DPP6: variants seen among roughly 807,000 people sequenced by gnomAD.
DPP6 encodes the protein A-type potassium channel modulatory protein DPP6.
A neutral mutation model predicts 122.6 loss-of-function variants in DPP6; 69 were observed. The observed-to-expected ratio is 0.56, with a 90% CI of 0.46 to 0.69. DPP6 has a LOEUF of 0.69. Ranked by LOEUF, DPP6 falls within the 30% of genes least tolerant of loss-of-function variation. The probability of loss-of-function intolerance (pLI) is 0.00; values close to 1 mark genes in which losing one functional copy is unlikely to be tolerated. For missense variants in DPP6, 928 were observed against 1,116.9 expected (o/e 0.83, Z 2.41); for synonymous variants, 418 against 433.1 (o/e 0.97, Z 0.43).
intron 1 of DPP6, among the ~76,000 whole-genome samples, chr7:154,079,200 C>T (rs940490028): frequency 1.4e-4 from 22 of 152,150 alleles, no homozygotes; most frequent in African/African-American, 3.4e-4. Context: ...ATCTCAAAAA[C>T]GAAAGTGCCT....
intron 1 of DPP6, among the ~76,000 whole-genome samples, chr7:153,973,632 CGTGTGTGTGTGTGTGTGTGT>C (rs773321136): frequency 5.3e-5 from 6 of 113,514 alleles, no homozygotes; most frequent in East Asian, 2.5e-4. Context: ...CACCATCGCT[CGTGTGTGTGTGTGTGTGTGT>C]GTGTGTGTGT....
At chr7:154,810,919 G>C (rs1055712860) in intron 16 of DPP6, among the ~76,000 whole-genome samples, 6 of 152,204 alleles carry the variant, frequency 3.9e-5, no homozygotes, top group African/African-American at 1.4e-4. Context: ...GATAGGAATA[G>C]ATCTCAGAGC....
At chr7:154,323,334 A>C (rs1808139938) in intron 1 of DPP6, among the ~76,000 whole-genome samples, 1 of 152,204 alleles carries the variant, frequency 6.6e-6, no homozygotes, top group Non-Finnish European at 1.5e-5. Flanking sequence ...AAAAAGAAAA[A>C]AAAAAAGCAA....
intron 6 of DPP6, among the ~76,000 whole-genome samples, chr7:154,659,262 T>C (rs867327374): frequency 6.6e-5 from 10 of 152,212 alleles, no homozygotes; most frequent in South Asian, 2.1e-4. Flanking sequence ...CAGAGTTCCA[T>C]AGAGTAAACT....
chr7:154,733,953 C>T (rs1176945792), intron 8 of DPP6, among the ~76,000 whole-genome samples: 2 of 152,196 alleles, frequency 1.3e-5, no homozygotes, highest in African/African-American at 2.4e-5. Context: ...CCTTGTGTCA[C>T]GCTGATACCC....
At chr7:154,790,364 G>C (rs1323345670) in intron 10 of DPP6, among the ~76,000 whole-genome samples, 5 of 152,146 alleles carry the variant, frequency 3.3e-5, no homozygotes, top group African/African-American at 1.2e-4. Flanking sequence ...TATGATAAAT[G>C]GCAACAGGAT....
Position 154,499,863 on chromosome 7 carries a change from C to G in DPP6, c.457+24826C>G, listed in dbSNP as rs530181681. Among the ~76,000 whole-genome samples the G allele has an allele frequency of 5.9e-5, 9 of 152,156 alleles. No individual in the cohort carries two copies. In the South Asian group the frequency reaches 8.3e-4, roughly 14 times the overall value. On this transcript the variant is annotated intron_variant, in intron 3 of 25. Coordinates refer to ENST00000377770, the MANE Select transcript of DPP6 (RefSeq NM_130797.4). Reference sequence around the variant, plus strand: ...AGTCACTGGGAGGACTCATAAGAGTCAGCATTTAGACACAATTACAGCTGT... The same window carrying G: ...AGTCACTGGGAGGACTCATAAGAGTGAGCATTTAGACACAATTACAGCTGT...
At chr7:154,751,609 C>CAAAAAA (rs11339562) in intron 8 of DPP6, among the ~76,000 whole-genome samples, 2 of 87,372 alleles carry the variant, frequency 2.3e-5, no homozygotes, top group Non-Finnish European at 2.3e-5. Flanking sequence ...GACTCTGTCT[C>CAAAAAA]AAAAAAAAAA....
intron 1 of DPP6, among the ~76,000 whole-genome samples, chr7:154,229,403 C>G (rs1306422823): frequency 6.6e-6 from 1 of 152,202 alleles, no homozygotes; most frequent in South Asian, 2.1e-4. Context: ...AGGGTTTTGG[C>G]ACCCATTGAG....
intron 1 of DPP6, among the ~76,000 whole-genome samples, chr7:153,925,002 G>T (rs1800824203): frequency 6.6e-6 from 1 of 152,162 alleles, no homozygotes; most frequent in South Asian, 2.1e-4. Context: ...TGTTGACATT[G>T]TACTTCAGGG....
intron 15 of DPP6, 66 bp downstream of exon 15, chr7:154,805,030 T>G: frequency 6.5e-7 from 1 of 1,542,136 alleles, no homozygotes; most frequent in East Asian, 2.4e-5. Context: ...TTTGCAGAAT[T>G]GCACCTTTTC....
At chr7:154,065,092 A>C (rs1237751655) in intron 1 of DPP6, among the ~76,000 whole-genome samples, 2 of 152,076 alleles carry the variant, frequency 1.3e-5, no homozygotes, top group Non-Finnish European at 2.9e-5. Flanking sequence ...CTGTTCCTGC[A>C]TCTGAATTTC....
intron 1 of DPP6, among the ~76,000 whole-genome samples, chr7:154,005,078 CA>C (rs1302176825): frequency 1.3e-5 from 2 of 151,906 alleles, no homozygotes; most frequent in African/African-American, 4.8e-5. Flanking sequence ...TCATGACCTA[CA>C]AAAAGTAATG....
At chr7:154,749,017 C>T (rs113997224) in intron 8 of DPP6, among the ~76,000 whole-genome samples, 1,375 of 133,646 alleles carry the variant, frequency 0.01, 18 homozygotes, top group African/African-American at 0.036. Flanking sequence ...TAGGACGGGA[C>T]AGGAGAGAGA....
intron 4 of DPP6, among the ~76,000 whole-genome samples, chr7:154,557,172 A>G (rs550820391): frequency 3.3e-5 from 5 of 152,322 alleles, no homozygotes; most frequent in African/African-American, 4.8e-5. Flanking sequence ...TATCCACCAG[A>G]TAAGTGGAGC....
the DPP6 span, among the ~76,000 whole-genome samples, chr7:153,752,221 C>G: frequency 6.6e-6 from 1 of 151,206 alleles, no homozygotes; most frequent in East Asian, 2.0e-4. Context: ...TAAGGGGGAG[C>G]ATGTGCTTTA....
chr7:154,788,542 C>G (rs372572149), intron 10 of DPP6, among the ~76,000 whole-genome samples: 30 of 151,790 alleles, frequency 2.0e-4, no homozygotes, highest in African/African-American at 7.0e-4. Flanking sequence ...TAGCAATAGA[C>G]AGAAAGGAGG....
chr7:154,079,682 G>C (rs2150526160), intron 1 of DPP6, among the ~76,000 whole-genome samples: 1 of 152,144 alleles, frequency 6.6e-6, no homozygotes, highest in East Asian at 1.9e-4. Flanking sequence ...AATGAAATTG[G>C]GCTGGGGTTA....
intron 10 of DPP6, 26 bp downstream of exon 10, chr7:154,772,968 A>C (rs200370766): frequency 5.7e-5 from 5 of 87,920 alleles, no homozygotes; most frequent in South Asian, 3.9e-4. Flanking sequence ...TTATGTTACC[A>C]AAAAAAAAAA....
Sources: gnomAD v4.1 joint callset for allele counts (sites outside exome capture counted in the v4.1 genomes callset) on GRCh38, gnomAD v4.1.1 for gene constraint, MANE v1.5 for transcripts, NCBI Gene and HGNC (gene_info 2026-07-23, HGNC 2026-07-21) for gene names.